The following FAIM variants were observed in gnomAD, a reference collection of about 807,000 sequenced individuals.
The protein encoded by FAIM is Fas apoptotic inhibitory molecule.
In FAIM, 14 loss-of-function variants were observed where a neutral mutation model predicts 21.2. The observed-to-expected ratio is 0.66, with a 90% confidence interval of 0.44 to 1.03. FAIM has a LOEUF of 1.03. FAIM is among the 50% of genes least tolerant of loss of function. The probability of loss-of-function intolerance (pLI) is 0.00; values close to 1 mark genes in which losing one functional copy is unlikely to be tolerated. For synonymous variants in FAIM, 86 were observed against 80.4 expected (o/e 1.07, Z -0.37); for missense variants, 222 against 247.1 (o/e 0.90, Z 0.68).
intron 1 of FAIM, among the ~76,000 whole-genome samples, chr3:138,611,929 A>G (rs547458547): frequency 6.6e-6 from 1 of 152,262 alleles, no homozygotes; most frequent in African/African-American, 2.4e-5. Flanking sequence ...TTTATAAATT[A>G]TGCAACCTCG....
At chr3:138,624,303 A>G (rs1187819638) in intron 4 of FAIM, among the ~76,000 whole-genome samples, 2 of 152,168 alleles carry the variant, frequency 1.3e-5, no homozygotes, top group Non-Finnish European at 2.9e-5. Flanking sequence ...AATACAATTG[A>G]TATTAACTTT....
In FAIM at chr3:138,622,206, T is replaced by G; in HGVS notation, c.196T>G (p.Trp66Gly). The G allele has an allele frequency of 6.2e-7, 1 of 1,609,722 alleles. No individual in the cohort carries two copies. Among genetic ancestry groups the G allele is most frequent in the Non-Finnish European group, 8.5e-7 (1 of 1,178,770 alleles). The change falls in exon 4 of 6, where the codon TGG (tryptophan) becomes GGG (glycine). Residue 66 changes from tryptophan to glycine, a missense_variant. By Grantham distance (184) the Trp-to-Gly change is radical (BLOSUM62 -2). Transcript: ENST00000360570. ...TATGTAGGAAGAGATAAGAAAAGAG[T>G]GGATGTTCAAATTAGTGGGCAAAGA... ...VDGKEEIRKE[W>G]MFKLVGKETF...
intron 2 of FAIM, among the ~76,000 whole-genome samples, chr3:138,620,397 TTAA>T (rs2042872015): frequency 1.3e-5 from 2 of 152,214 alleles, no homozygotes; most frequent in African/African-American, 4.8e-5. Flanking sequence ...TATCAAAATA[TTAA>T]TTAGATATTA....
chr3:138,628,462 C>CT (rs1553876156), intron 4 of FAIM, among the ~76,000 whole-genome samples: 2 of 146,560 alleles, frequency 1.4e-5, no homozygotes, highest in Non-Finnish European at 3.0e-5. Context: ...ATGCATCCTT[C>CT]TTTTTTATTT....
chr3:138,621,388 C>A lies in FAIM; in HGVS notation c.45-19C>A. The A allele has an allele frequency of 1.2e-6, 2 of 1,611,272 alleles. No homozygotes were observed. The highest frequency in any genetic ancestry group is 2.2e-5 in the South Asian group (2 of 90,636). On this transcript the variant is annotated intron_variant, in intron 2 of 5. Transcript: ENST00000360570. ...TTAGTATTTTGGCCTACTATAATTG[C>A]TTTATTTTATTCCTTTAGCCCTCCT...
At chr3:138,615,557 T>C (rs891524748) in intron 1 of FAIM, among the ~76,000 whole-genome samples, 3 of 152,208 alleles carry the variant, frequency 2.0e-5, no homozygotes, top group African/African-American at 7.2e-5. Context: ...TTTAGTGCCT[T>C]TTAGAATAAT....
chr3:138,629,143 A>T lies in FAIM; in HGVS notation c.443A>T (p.Lys148Ile). The T allele has an allele frequency of 6.2e-7, 1 of 1,612,124 alleles. No homozygotes were observed. Among genetic ancestry groups the T allele is most frequent in the South Asian group, 1.1e-5 (1 of 90,946 alleles). The change falls in exon 5 of 6, where the codon AAA becomes ATA. Residue 148 changes from lysine (K) to isoleucine (I), a missense_variant. By Grantham distance (102) the Lys-to-Ile change is moderately radical (BLOSUM62 -3). Transcript: ENST00000360570. ...DAMDVWCNGK[K>I]LETAGEFVDD... ...ATGGACGTATGGTGCAATGGTAAAA[A>T]ATTGGAGACAGCGGTAAGTTGACTA...
chr3:138,626,639 G>C (rs529277193), intron 4 of FAIM, among the ~76,000 whole-genome samples: 1 of 152,200 alleles, frequency 6.6e-6, no homozygotes. Context: ...TAGAAGCAAT[G>C]CTGCATGAAT....
At chr3:138,628,849 G>A (rs1021099294) in intron 4 of FAIM, among the ~76,000 whole-genome samples, 1 of 152,130 alleles carries the variant, frequency 6.6e-6, no homozygotes, top group African/African-American at 2.4e-5. Context: ...TCATCAATTT[G>A]TATTAAGACC....
rs560769183 is a variant in FAIM, at chr3:138,628,132, T to G, written c.407-975T>G. On this transcript the variant is annotated intron_variant, in intron 4 of 5. Coordinates refer to ENST00000360570, the MANE Select transcript of FAIM (RefSeq NM_001033031.2). ...GCAAGTTAACTGATCCATTTAAGTG[T>G]GTCGGGGCAGCATTTTGTTCCATAT... Among the ~76,000 whole-genome samples the G allele has an allele frequency of 5.3e-5, 8 of 152,336 alleles. No individual in the cohort carries two copies. The East Asian group carries it at 1.5e-3, about 29-fold the overall frequency.
rs1213041425 is a variant in FAIM, at chr3:138,633,324, T to G, written c.*245T>G. On this transcript the variant is annotated 3_prime_UTR_variant, in exon 6 of 6. Coordinates refer to ENST00000360570, the MANE Select transcript of FAIM (RefSeq NM_001033031.2). Reference sequence around the variant, plus strand: ...ATGGCAAATAAGATATGGACCAAAGTCACTAATGTTTTACAACAGTAACCT... The same window carrying G: ...ATGGCAAATAAGATATGGACCAAAGGCACTAATGTTTTACAACAGTAACCT... 1 of 278,380 alleles carries G rather than the reference T, an allele frequency of 3.6e-6. No homozygotes were observed. Among genetic ancestry groups the G allele is most frequent in the African/African-American group, 2.2e-5 (1 of 45,112 alleles). The allele number at this position is 278,380 out of a possible 1,614,324, so 17.2% of individuals were successfully genotyped here.
At chr3:138,610,655 T>C (rs2042757651) in intron 1 of FAIM, 1 of 237,394 alleles carries the variant, frequency 4.2e-6, no homozygotes, top group Non-Finnish European at 8.3e-6. Context: ...TGATCTCGGC[T>C]CACTGCAACC....
At chr3:138,609,595 TCTCTCTCTCTCTCTCTCGA>T (rs1323874136) in intron 1 of FAIM, among the ~76,000 whole-genome samples, 5 of 17,896 alleles carry the variant, frequency 2.8e-4, no homozygotes, top group Admixed American at 9.6e-4. Flanking sequence ...CTCTCTCGAC[TCTCTCTCTCTCTCTCTCGA>T]CTCTCTCTCT....
At chr3:138,632,785 C>T (rs1206365475) in intron 5 of FAIM, 145 bp from the exon 6 acceptor site, 2 of 689,350 alleles carry the variant, frequency 2.9e-6, no homozygotes, top group Non-Finnish European at 4.4e-6. Context: ...CATCTAAGTA[C>T]AAGCTTTAGA....
At position 138,629,167 on chromosome 3, in the gene FAIM, T is replaced by C; in HGVS notation, c.456+11T>C. On this transcript the variant is annotated intron_variant, in intron 5 of 5. Transcript: ENST00000360570. The stretch of plus-strand genomic sequence containing the variant: ...AAATTGGAGACAGCGGTAAGTTGAC[T>C]ATTTGATGACTCTAAGTGCCATGTG... 1 of 1,604,112 alleles carries C rather than the reference T, an allele frequency of 6.2e-7. No individual in the cohort carries two copies. Among genetic ancestry groups the C allele is most frequent in the Non-Finnish European group, 8.5e-7 (1 of 1,172,910 alleles).
At chr3:138,618,786 G>C (rs1553875432) in intron 1 of FAIM, among the ~76,000 whole-genome samples, 1 of 152,156 alleles carries the variant, frequency 6.6e-6, no homozygotes, top group Non-Finnish European at 1.5e-5. Flanking sequence ...GTAGGAAACA[G>C]GCACTAATTA....
At chr3:138,609,567 T>TCC (rs2042738191) in intron 1 of FAIM, among the ~76,000 whole-genome samples, 3 of 93,418 alleles carry the variant, frequency 3.2e-5, no homozygotes, top group African/African-American at 1.3e-4. Flanking sequence ...TCTCTCTCTC[T>TCC]CTCTCTCTCG....
At chr3:138,630,344 G>C (rs549471132) in intron 5 of FAIM, 1 of 152,120 alleles carries the variant, frequency 6.6e-6, no homozygotes, top group African/African-American at 2.4e-5. Context: ...GAAGCCACAC[G>C]TGGTAGCACA....
At chr3:138,619,636 G>A (rs1012819546) in intron 1 of FAIM, 75 bp from the exon 2 acceptor site, 1 of 1,332,696 alleles carries the variant, frequency 7.5e-7, no homozygotes, top group Non-Finnish European at 1.1e-6. Context: ...CTTTGTAGAT[G>A]TCATCATTGT....
Sources: gnomAD v4.1 joint callset for allele counts (sites outside exome capture counted in the v4.1 genomes callset) on GRCh38, gnomAD v4.1.1 for gene constraint, MANE v1.5 for transcripts, NCBI Gene and HGNC (gene_info 2026-07-23, HGNC 2026-07-21) for gene names.